CPLANE1: variants seen among roughly 807,000 people sequenced by gnomAD.
CPLANE1 encodes the protein ciliogenesis and planar polarity effector complex subunit 1.
In CPLANE1, 263 loss-of-function variants were observed where a neutral mutation model predicts 362.5. The observed-to-expected ratio is 0.73, with a 90% CI of 0.66 to 0.80. CPLANE1 has a LOEUF of 0.80. Among genes scored for constraint, CPLANE1 ranks in the 30% least tolerant of loss-of-function variants. The probability of loss-of-function intolerance (pLI) is 0.00; values close to 1 mark genes in which losing one functional copy is unlikely to be tolerated. For missense variants in CPLANE1, 3,461 were observed against 3,793.4 expected (o/e 0.91, Z 2.30); for synonymous variants, 1,212 against 1,302.6 (o/e 0.93, Z 1.50).
rs781521601 is a variant in CPLANE1 at position 37,201,543 on chromosome 5, G to T, written c.3507+48C>A. The T allele has an allele frequency of 1.1e-5, 16 of 1,466,996 alleles. No individual in the cohort carries two copies. In the South Asian group the frequency reaches 1.7e-4, roughly 16 times the overall value. The allele number at this position is 1,466,996 out of a possible 1,614,324, so 90.9% of individuals were successfully genotyped here. On this transcript the variant is annotated intron_variant, in intron 19 of 52. Coordinates refer to ENST00000651892, the MANE Select transcript of CPLANE1 (RefSeq NM_001384732.1). ...ATCAAGTTAATTATTTTAAAAACTT[G>T]ACAAAATCAACTTTAAATTAATTTA... is the stretch of plus-strand genomic sequence containing the variant.
At chr5:37,199,615 T>C (rs1391543795) in intron 19 of CPLANE1, among the ~76,000 whole-genome samples, 1 of 152,226 alleles carries the variant, frequency 6.6e-6, no homozygotes. Context: ...ACCCAATAAA[T>C]GTTTGTTGAA....
At chr5:37,108,185 T>C in intron 52 of CPLANE1, 108 bp downstream of exon 52, 1 of 1,084,576 alleles carries the variant, frequency 9.2e-7, no homozygotes. Context: ...CTTTTCAGTA[T>C]TTCCACATCC....
intron 16 of CPLANE1, chr5:37,212,116 A>C: frequency 1.1e-6 from 1 of 947,920 alleles, no homozygotes. Context: ...AAACTGTATC[A>C]GGAAAGGAGG....
intron 47 of CPLANE1, among the ~76,000 whole-genome samples, chr5:37,123,973 TCAAA>T (rs1453201924): frequency 1.4e-5 from 2 of 140,226 alleles, no homozygotes; most frequent in African/African-American, 5.6e-5. Context: ...ACAGTCTCTC[TCAAA>T]CACACATGCA....
intron 16 of CPLANE1, chr5:37,210,008 A>G (rs1792127589): frequency 4.6e-6 from 4 of 862,804 alleles, no homozygotes; most frequent in Non-Finnish European, 3.9e-6. Flanking sequence ...GGGAAGAAAT[A>G]TGTCAAAAGT....
chr5:37,228,895 TA>T (rs1427209032), intron 9 of CPLANE1, among the ~76,000 whole-genome samples: 2 of 152,144 alleles, frequency 1.3e-5, no homozygotes, highest in East Asian at 3.8e-4. Context: ...AATTAGACCA[TA>T]ACAAGTAAGG....
chr5:37,109,658 A>G (rs966148835), intron 51 of CPLANE1, among the ~76,000 whole-genome samples: 1 of 152,064 alleles, frequency 6.6e-6, no homozygotes, highest in Admixed American at 6.6e-5. Flanking sequence ...AAAATCCAGT[A>G]TATCTTTTTT....
intron 14 of CPLANE1, 40 bp downstream of exon 14, chr5:37,224,213 C>T: frequency 7.4e-7 from 1 of 1,345,006 alleles, no homozygotes; most frequent in Non-Finnish European, 1.0e-6. Flanking sequence ...AAAAGGAGTC[C>T]TGCTAATATT....
chr5:37,214,735 A>G (rs961049523), intron 15 of CPLANE1, among the ~76,000 whole-genome samples: 20 of 152,234 alleles, frequency 1.3e-4, no homozygotes, highest in Non-Finnish European at 2.9e-4. Context: ...TCTCTCTAGT[A>G]AAGTGCACAT....
In CPLANE1 at chr5:37,121,634, G is replaced by C; in HGVS notation, c.9168C>G (p.His3056Gln). The change falls in exon 49 of 53, where the codon CAC (histidine) becomes CAG (glutamine). Residue 3056 changes from histidine (H) to glutamine (Q), a missense_variant. Physicochemically the swap from His to Gln is conservative, Grantham distance 24 (BLOSUM62 0). Around this residue, in one of 2 missense-constraint regions of CPLANE1, gnomAD observed 3,380 missense variants for 3,666.1 expected, o/e 0.92. Coordinates refer to ENST00000651892, the MANE Select transcript of CPLANE1 (RefSeq NM_001384732.1). ...TGTCTTACCCTCTTGGAGAAGGGCAGTGTTGACAACTGGAAGACTGAGTAG... is the reference window on the plus strand; with the variant it reads ...TGTCTTACCCTCTTGGAGAAGGGCACTGTTGACAACTGGAAGACTGAGTAG... ...PSPTQSSSCQ[H>Q]CPSPRGENQH... 6.2e-7 allele frequency: 1 copy of C among 1,614,162 alleles called. No homozygotes were observed.
chr5:37,234,715 T>C (rs1477962244), intron 8 of CPLANE1, among the ~76,000 whole-genome samples: 2 of 152,010 alleles, frequency 1.3e-5, no homozygotes, highest in African/African-American at 2.4e-5. Context: ...TGCAAATACA[T>C]AGCAAAAAGG....
chr5:37,198,922 T>C, intron 19 of CPLANE1, 56 bp from the exon 20 acceptor site: 9 of 1,526,682 alleles, frequency 5.9e-6, no homozygotes, highest in Non-Finnish European at 8.0e-6. Context: ...ATTTAGAATG[T>C]TAAAATGAAA....
Position 37,132,560 on chromosome 5 carries a change from A to C in CPLANE1, c.8792+6160T>G, listed in dbSNP as rs187688161. Among the ~76,000 whole-genome samples the C allele has an allele frequency of 4.0e-5, 6 of 151,876 alleles. No homozygotes were observed. In the East Asian group the frequency reaches 1.2e-3, roughly 29 times the overall value. ...ACGGGGTTTCACCATGTTAGCCAGG[A>C]TGGTCTCAATCTCCTGACCTTGTAA... is the stretch of plus-strand genomic sequence containing the variant. On this transcript the variant is annotated intron_variant, in intron 46 of 52. Coordinates refer to ENST00000651892, the MANE Select transcript of CPLANE1 (RefSeq NM_001384732.1).
chr5:37,241,395 C>G (rs981182454), intron 6 of CPLANE1, among the ~76,000 whole-genome samples: 2 of 152,052 alleles, frequency 1.3e-5, no homozygotes, highest in Non-Finnish European at 2.9e-5. Flanking sequence ...GCAGAAGTTG[C>G]AGTGAGCCAA....
At chr5:37,105,144 C>T (rs576211194), downstream of CPLANE1, among the ~76,000 whole-genome samples, 10 of 151,804 alleles carry the variant, frequency 6.6e-5, 1 homozygote, top group Admixed American at 2.0e-4. Flanking sequence ...ATGAAAACTA[C>T]AAAAAATTAG....
At chr5:37,167,578 A>G (rs544455007) in intron 34 of CPLANE1, among the ~76,000 whole-genome samples, 41 of 152,302 alleles carry the variant, frequency 2.7e-4, no homozygotes, top group African/African-American at 8.9e-4. Flanking sequence ...GGAGTTTGAG[A>G]CCAGCCTGAC....
At chr5:37,205,525 G>T in intron 17 of CPLANE1, 71 bp from the exon 18 acceptor site, 1 of 1,012,440 alleles carries the variant, frequency 9.9e-7, no homozygotes, top group Non-Finnish European at 1.4e-6. Context: ...ACATATCAAG[G>T]ACTAAACATG....
chr5:37,202,457 T>G (rs1789480676), intron 18 of CPLANE1, among the ~76,000 whole-genome samples: 1 of 152,180 alleles, frequency 6.6e-6, no homozygotes, highest in South Asian at 2.1e-4. Context: ...TGGCCATTTT[T>G]CCTTTTCTTA....
intron 46 of CPLANE1, among the ~76,000 whole-genome samples, chr5:37,131,419 T>C (rs998012531): frequency 6.6e-6 from 1 of 152,160 alleles, no homozygotes; most frequent in Non-Finnish European, 1.5e-5. Flanking sequence ...ACTACTGTGA[T>C]TGCCTTCTTT....
Sources: gnomAD v4.1 joint callset for allele counts (sites outside exome capture counted in the v4.1 genomes callset) on GRCh38, gnomAD v4.1.1 for gene constraint, gnomAD v4.1.1 regional missense constraint, MANE v1.5 for transcripts, NCBI Gene and HGNC (gene_info 2026-07-23, HGNC 2026-07-21) for gene names.